The following CHD1 variants were observed in gnomAD, a reference collection of about 807,000 sequenced individuals.
CHD1 encodes chromodomain helicase DNA binding protein 1.
CHD1 carries 36 observed loss-of-function variants against 224.2 expected under a neutral mutation model. That is an observed-to-expected ratio of 0.16 (90% confidence interval 0.12 to 0.21). The LOEUF (loss-of-function observed/expected upper bound fraction) is 0.21. Ranked by LOEUF, CHD1 falls within the 10% of genes least tolerant of loss-of-function variation. The pLI is 1.00. For missense variants in CHD1, 1,378 were observed against 1,994.8 expected, an observed-to-expected ratio of 0.69 and a Z score of 5.89; for synonymous variants, 668 against 658.3, an observed-to-expected ratio of 1.01 and a Z score of -0.23.
At chr5:98,911,175 A>ATATATATATATATATATATAT (rs1554081101) in intron 2 of CHD1, among the ~76,000 whole-genome samples, 1 of 138,554 alleles carries the variant, frequency 7.2e-6, no homozygotes, top group African/African-American at 2.7e-5. Flanking sequence ...ATATATATAT[A>ATATATATATATATATATATAT]TAGAGGCATG....
intron 2 of CHD1, among the ~76,000 whole-genome samples, chr5:98,909,602 T>C (rs1477939408): frequency 2.0e-5 from 3 of 152,154 alleles, no homozygotes; most frequent in Non-Finnish European, 2.9e-5. Context: ...ACCCAAAACA[T>C]CTTTTCTTCA....
At chr5:98,919,230 G>GA (rs1489801051) in intron 2 of CHD1, among the ~76,000 whole-genome samples, 2 of 152,128 alleles carry the variant, frequency 1.3e-5, no homozygotes, top group African/African-American at 4.8e-5. Flanking sequence ...CTGGAGTACA[G>GA]AAAAAATGAT....
At position 98,898,329 on chromosome 5, in the gene CHD1, T is replaced by C. The variant is rs1269496677; in HGVS notation, c.1292A>G (p.Lys431Arg). The C allele has an allele frequency of 6.2e-7, 1 of 1,602,626 alleles. No homozygotes were observed. The highest frequency in any genetic ancestry group is 1.7e-5 in the Admixed American group (1 of 58,224). Residue 431 changes from lysine to arginine, a missense_variant, in exon 10 of 36, where the codon AAA (lysine) becomes AGA (arginine). Coordinates refer to ENST00000614616, the MANE Select transcript of CHD1 (RefSeq NM_001270.4). ...CTCATCAATGCATGCTTGAAACTTT[T>C]TGGAAATGAGAGCTCCATCTTCCCA... Reference protein sequence around the residue: ...CSWEDGALISKKFQACIDEYF... With the variant: ...CSWEDGALISRKFQACIDEYF...
chr5:98,925,250 A>T (rs1753378817), intron 2 of CHD1, among the ~76,000 whole-genome samples: 1 of 151,958 alleles, frequency 6.6e-6, no homozygotes, highest in South Asian at 2.1e-4. Flanking sequence ...CAATCCTCAA[A>T]TTTTTTTTAA....
intron 2 of CHD1, among the ~76,000 whole-genome samples, chr5:98,912,878 TAAAG>T (rs1384293140): frequency 1.3e-5 from 2 of 152,216 alleles, no homozygotes; most frequent in Non-Finnish European, 2.9e-5. Flanking sequence ...CCTTAGCACA[TAAAG>T]ATTTTCTTTC....
At chr5:98,902,119 T>A (rs1474152644) in intron 5 of CHD1, among the ~76,000 whole-genome samples, 2 of 152,068 alleles carry the variant, frequency 1.3e-5, no homozygotes, top group African/African-American at 4.8e-5. Flanking sequence ...AAAAAAAGTT[T>A]CCGTTGTGTA....
In CHD1 at chr5:98,856,154, CAA is replaced by C. The variant is rs976859208; in HGVS notation, c.*224_*225del. The C allele has an allele frequency of 2.7e-6, 1 of 367,644 alleles. No homozygotes were observed. The highest frequency in any genetic ancestry group is 5.0e-6 in the Non-Finnish European group (1 of 200,982). The allele number at this position is 367,644 out of a possible 1,614,324, so 22.8% of individuals were successfully genotyped here. A position where few individuals can be genotyped will look rare whatever the true frequency, so the allele number is the denominator to read the frequency against. ...TTTTCCATTTCTTTAAAAAAGAAAA[CAA>C]AAAAAAGTACTACAATTTTGTAGTA... is the stretch of plus-strand genomic sequence containing the variant. On this transcript the variant is annotated 3_prime_UTR_variant, in exon 36 of 36. Transcript: ENST00000614616.
intron 13 of CHD1, among the ~76,000 whole-genome samples, chr5:98,893,970 G>C (rs1254846996): frequency 6.6e-6 from 1 of 152,004 alleles, no homozygotes; most frequent in Non-Finnish European, 1.5e-5. Context: ...CACAAATTCA[G>C]AACAGTGTCT....
chr5:98,922,734 T>TC (rs1313861542), intron 2 of CHD1, among the ~76,000 whole-genome samples: 1 of 152,142 alleles, frequency 6.6e-6, no homozygotes, highest in Non-Finnish European at 1.5e-5. Flanking sequence ...ATGCCTGTAA[T>TC]CCCCAGTGCT....
intron 21 of CHD1, 51 bp from the exon 22 acceptor site, chr5:98,881,222 C>T (rs1359044413): frequency 1.7e-6 from 2 of 1,160,200 alleles, no homozygotes; most frequent in East Asian, 5.3e-5. Flanking sequence ...TTCATCCTGT[C>T]AAATATATGA....
chr5:98,887,016 A>C (rs1750694600), intron 17 of CHD1, among the ~76,000 whole-genome samples: 1 of 152,168 alleles, frequency 6.6e-6, no homozygotes, highest in Admixed American at 6.5e-5. Flanking sequence ...GAAGGACAAG[A>C]GGAATAGCTA....
intron 16 of CHD1, among the ~76,000 whole-genome samples, chr5:98,888,734 A>G (rs1750815289): frequency 6.6e-6 from 1 of 152,208 alleles, no homozygotes; most frequent in African/African-American, 2.4e-5. Flanking sequence ...TGAGGTCAAG[A>G]TGTCCTTTAG....
At chr5:98,867,385 G>A (rs991068198) in intron 31 of CHD1, among the ~76,000 whole-genome samples, 1 of 152,106 alleles carries the variant, frequency 6.6e-6, no homozygotes, top group Non-Finnish European at 1.5e-5. Flanking sequence ...CAACTTTATA[G>A]CTACTGCATC....
intron 19 of CHD1, among the ~76,000 whole-genome samples, 194 bp downstream of exon 19, chr5:98,882,894 T>C (rs899539070): frequency 1.3e-5 from 2 of 152,166 alleles, no homozygotes; most frequent in Non-Finnish European, 2.9e-5. Flanking sequence ...TGATCCTATA[T>C]ATGCATAGTT....
intron 2 of CHD1, among the ~76,000 whole-genome samples, chr5:98,919,066 A>G (rs1044542262): frequency 2.6e-5 from 4 of 152,228 alleles, no homozygotes; most frequent in African/African-American, 7.2e-5. Context: ...ACTTTACAAC[A>G]TGGCAAGATG....
chr5:98,857,604 C>T (rs188667033), intron 35 of CHD1, among the ~76,000 whole-genome samples: 27 of 152,004 alleles, frequency 1.8e-4, no homozygotes, highest in Admixed American at 1.1e-3. Flanking sequence ...CATTAACTAC[C>T]GAAAATACTT....
Position 98,874,537 on chromosome 5 carries a change from TAA to T in CHD1, c.3440+533_3440+534del, listed in dbSNP as rs70984332. 9.5e-3 allele frequency among the ~76,000 whole-genome samples: 834 copies of T among 88,248 alleles called. 9 individuals carry two copies. The highest frequency in any genetic ancestry group is 0.024 in the African/African-American group (504 of 21,138). 57.9% of individuals were successfully genotyped at this position (88,248 alleles called of 152,430 possible). A position where few individuals can be genotyped will look rare whatever the true frequency, so the allele number is the denominator to read the frequency against. On this transcript the variant is annotated intron_variant, in intron 25 of 35. Coordinates refer to ENST00000614616, the MANE Select transcript of CHD1 (RefSeq NM_001270.4). Reference sequence around the variant, plus strand: ...CAATATGGTGAAACCCCGTCTCTACTAAAAAAAAAAAAAAAAAAAAAAAAATT... The same window carrying T: ...CAATATGGTGAAACCCCGTCTCTACTAAAAAAAAAAAAAAAAAAAAAAATT...
In CHD1 at chr5:98,854,077, G is replaced by A. The variant is rs1747860151; in HGVS notation, c.*2303C>T. 1 of 151,902 alleles carries A rather than the reference G, an allele frequency of 6.6e-6. No individual in the cohort carries two copies. The highest frequency in any genetic ancestry group is 1.9e-4 in the East Asian group (1 of 5,180). The allele number at this position is 151,902 out of a possible 1,614,324, so 9.4% of individuals were successfully genotyped here. A position where few individuals can be genotyped will look rare whatever the true frequency, so the allele number is the denominator to read the frequency against. On this transcript the variant is annotated 3_prime_UTR_variant, in exon 36 of 36. Coordinates refer to ENST00000614616, the MANE Select transcript of CHD1 (RefSeq NM_001270.4). ...CACCCTTGAAAAATTAAACATAACT[G>A]GATAAAAATAACAAAGCAGAATGAA...
chr5:98,911,239 T>G (rs1489293818), intron 2 of CHD1, among the ~76,000 whole-genome samples: 3 of 144,426 alleles, frequency 2.1e-5, no homozygotes, highest in African/African-American at 5.2e-5. Flanking sequence ...TGAAGGGGCT[T>G]CCATTGACCA....
Sources: gnomAD v4.1 joint callset for allele counts (sites outside exome capture counted in the v4.1 genomes callset) on GRCh38, gnomAD v4.1.1 for gene constraint, MANE v1.5 for transcripts, NCBI Gene and HGNC (gene_info 2026-07-23, HGNC 2026-07-21) for gene names.